The following CFAP61 variants were observed in gnomAD, a reference collection of about 807,000 sequenced individuals.
CFAP61 encodes the protein cilia and flagella associated protein 61, also known as cilia- and flagella-associated protein 61.
In CFAP61, 107 loss-of-function variants were observed where a neutral mutation model predicts 135.6. The observed-to-expected ratio is 0.79, with a 90% CI of 0.67 to 0.93. CFAP61 has a LOEUF of 0.93. Among genes scored for constraint, CFAP61 ranks in the 40% least tolerant of loss-of-function variants. The pLI is 0.00. For missense variants in CFAP61, 1,507 were observed against 1,556.2 expected (o/e 0.97, Z 0.53); for synonymous variants, 575 against 578.5 (o/e 0.99, Z 0.09).
chr20:20,071,738 G>A (rs1600433943), intron 3 of CFAP61, among the ~76,000 whole-genome samples: 1 of 152,108 alleles, frequency 6.6e-6, no homozygotes, highest in Non-Finnish European at 1.5e-5. Context: ...CCGTACATGT[G>A]TGTGAATGTG....
chr20:20,079,354 G>A (rs1024950190), intron 6 of CFAP61, among the ~76,000 whole-genome samples: 1 of 152,176 alleles, frequency 6.6e-6, no homozygotes, highest in African/African-American at 2.4e-5. Context: ...GAAGGGCAGA[G>A]TTTCACAGGA....
chr20:20,166,375 G>A, intron 11 of CFAP61, 22 bp from the exon 12 acceptor site: 2 of 1,611,278 alleles, frequency 1.2e-6, no homozygotes, highest in South Asian at 2.2e-5. Context: ...GGCACTGACA[G>A]TGCTTACTGT....
intron 9 of CFAP61, among the ~76,000 whole-genome samples, chr20:20,144,968 T>G (rs2051749600): frequency 6.6e-6 from 1 of 152,152 alleles, no homozygotes; most frequent in Non-Finnish European, 1.5e-5. Flanking sequence ...ATAAAGAGTT[T>G]GCCCTACACA....
intron 17 of CFAP61, chr20:20,221,032 C>T (rs1486807358): frequency 2.6e-5 from 4 of 152,234 alleles, no homozygotes; most frequent in Non-Finnish European, 4.4e-5. Context: ...TTACTTTATT[C>T]CTGCCTTTCC....
intron 19 of CFAP61, among the ~76,000 whole-genome samples, chr20:20,248,107 A>G (rs188442603): frequency 5.3e-5 from 8 of 152,364 alleles, no homozygotes; most frequent in Admixed American, 2.0e-4. Context: ...TCCTTGGCAC[A>G]TAGCAGATGC....
intron 25 of CFAP61, chr20:20,323,332 C>G (rs1374393383): frequency 1.0e-6 from 1 of 983,792 alleles, no homozygotes; most frequent in Non-Finnish European, 1.2e-6. Flanking sequence ...GAAATACAGA[C>G]AGTCCCCTAC....
In CFAP61 at chr20:20,172,204, G is replaced by A. The variant is rs752414424; in HGVS notation, c.1385+2744G>A. 66 of 953,950 alleles carry A rather than the reference G, an allele frequency of 6.9e-5. 1 individual carries two copies. Among genetic ancestry groups the A allele is most frequent in the Non-Finnish European group, 8.1e-5 (65 of 799,438 alleles). 59.1% of individuals were successfully genotyped at this position (953,950 alleles called of 1,614,324 possible). ...ATAGAAGTTCTAAAAAGTTACACAG[G>A]ATTTCAGTAACCTTATATGCCTCTG... On this transcript the variant is annotated intron_variant, in intron 13 of 26. Transcript: ENST00000245957.
chr20:20,183,475 C>G (rs1033102367), intron 13 of CFAP61, among the ~76,000 whole-genome samples: 3 of 152,126 alleles, frequency 2.0e-5, no homozygotes, highest in Non-Finnish European at 4.4e-5. Context: ...CTACATTCTG[C>G]TTTTTGAGCT....
chr20:20,342,899 T>C (rs960144088), intron 26 of CFAP61, among the ~76,000 whole-genome samples: 5 of 151,970 alleles, frequency 3.3e-5, no homozygotes, highest in African/African-American at 4.8e-5. Context: ...CCCCCTCTGT[T>C]GTGCAGGCTG....
intron 8 of CFAP61, among the ~76,000 whole-genome samples, chr20:20,119,117 A>G (rs372603926): frequency 1.3e-5 from 2 of 152,252 alleles, no homozygotes; most frequent in Admixed American, 6.5e-5. Flanking sequence ...TTGATATTAC[A>G]GTAATGCTGT....
At chr20:20,318,494 C>T (rs887191029) in intron 25 of CFAP61, among the ~76,000 whole-genome samples, 2 of 152,192 alleles carry the variant, frequency 1.3e-5, no homozygotes, top group African/African-American at 4.8e-5. Context: ...GTGTCTCCCA[C>T]AGCTAAACCG....
intron 25 of CFAP61, among the ~76,000 whole-genome samples, chr20:20,314,582 A>T (rs1245787894): frequency 2.0e-5 from 3 of 148,388 alleles, no homozygotes; most frequent in African/African-American, 5.0e-5. Flanking sequence ...CATGTGCACA[A>T]TGTGCAGGTT....
chr20:20,141,645 T>C (rs1232652682), intron 8 of CFAP61, among the ~76,000 whole-genome samples: 1 of 152,208 alleles, frequency 6.6e-6, no homozygotes, highest in Non-Finnish European at 1.5e-5. Flanking sequence ...TATCTTAGAA[T>C]TTCATTCATT....
chr20:20,113,986 A>AAT (rs35099002), intron 8 of CFAP61, among the ~76,000 whole-genome samples: 3 of 148,934 alleles, frequency 2.0e-5, no homozygotes, highest in East Asian at 1.9e-4. Flanking sequence ...AAAAAAAAAA[A>AAT]GCCTGGGTGC....
At chr20:20,353,924 GA>G (rs1417489083) in intron 26 of CFAP61, among the ~76,000 whole-genome samples, 2 of 152,168 alleles carry the variant, frequency 1.3e-5, no homozygotes, top group African/African-American at 4.8e-5. Flanking sequence ...AGGTTCCTCT[GA>G]AAACTAAAAA....
chr20:20,155,343 A>G (rs2052802954), intron 9 of CFAP61, among the ~76,000 whole-genome samples: 1 of 152,142 alleles, frequency 6.6e-6, no homozygotes, highest in South Asian at 2.1e-4. Context: ...CATTGGAAAA[A>G]ACTCTTCTAG....
intron 13 of CFAP61, chr20:20,171,991 C>T: frequency 2.4e-6 from 1 of 417,454 alleles, no homozygotes; most frequent in East Asian, 3.6e-5. Context: ...ACATGAATCA[C>T]CTCTGTTCAT....
chr20:20,071,111 C>T (rs1007755250), intron 3 of CFAP61, 107 bp downstream of exon 3: 21 of 1,118,770 alleles, frequency 1.9e-5, no homozygotes, highest in Non-Finnish European at 2.7e-5. Context: ...TATATGACAT[C>T]ATGACAGTTA....
intron 2 of CFAP61, among the ~76,000 whole-genome samples, chr20:20,064,425 C>T (rs2045083730): frequency 6.6e-6 from 1 of 152,136 alleles, no homozygotes; most frequent in Non-Finnish European, 1.5e-5. Flanking sequence ...TTACCAGCGT[C>T]ACTACTCTTG....
Sources: gnomAD v4.1 joint callset for allele counts (sites outside exome capture counted in the v4.1 genomes callset) on GRCh38, gnomAD v4.1.1 for gene constraint, MANE v1.5 for transcripts, NCBI Gene and HGNC (gene_info 2026-07-23, HGNC 2026-07-21) for gene names.